Variants in TM9SF4 observed in about 807,000 individuals in gnomAD.
The protein encoded by TM9SF4 is transmembrane 9 superfamily member 4, also known as dinucleotide oxidase disulfide thiol exchanger 3 superfamily member 4.
TM9SF4 carries 26 observed loss-of-function variants against 90.4 expected under a neutral mutation model. The observed-to-expected ratio is 0.29, with a 90% CI of 0.21 to 0.40. The LOEUF (loss-of-function observed/expected upper bound fraction) is 0.40. Among genes scored for constraint, TM9SF4 ranks in the 10% least tolerant of loss-of-function variants. TM9SF4 has a pLI of 1.00. For missense variants in TM9SF4, 549 were observed against 834.8 expected (o/e 0.66, Z 4.22); for synonymous variants, 293 against 315.4 (o/e 0.93, Z 0.75).
At chr20:32,122,484 T>A (rs577946240) in intron 1 of TM9SF4, among the ~76,000 whole-genome samples, 1 of 139,326 alleles carries the variant, frequency 7.2e-6, no homozygotes, top group Admixed American at 7.1e-5. Context: ...TCCTCACTTC[T>A]CAGACGGGGC....
At chr20:32,125,216 A>G (rs568582386) in intron 1 of TM9SF4, among the ~76,000 whole-genome samples, 19 of 152,114 alleles carry the variant, frequency 1.2e-4, no homozygotes, top group Non-Finnish European at 2.6e-4. Context: ...AACCCAAAAC[A>G]AGTCCACCCC....
At chr20:32,125,371 A>C (rs2046404279) in intron 1 of TM9SF4, among the ~76,000 whole-genome samples, 1 of 152,172 alleles carries the variant, frequency 6.6e-6, no homozygotes, top group Non-Finnish European at 1.5e-5. Context: ...AATTTACCCA[A>C]AGTCACACAG....
chr20:32,154,989 G>C, intron 12 of TM9SF4, 114 bp from the exon 13 acceptor site: 1 of 774,474 alleles, frequency 1.3e-6, no homozygotes, highest in Non-Finnish European at 2.3e-6. Flanking sequence ...AATGATGCTT[G>C]AGCAGAGTCT....
intron 1 of TM9SF4, among the ~76,000 whole-genome samples, chr20:32,127,752 C>T (rs752905181): frequency 3.3e-5 from 5 of 152,152 alleles, no homozygotes; most frequent in Non-Finnish European, 5.9e-5. Context: ...CGCAGAGAGC[C>T]CTTGAGTTCC....
intron 1 of TM9SF4, among the ~76,000 whole-genome samples, chr20:32,119,694 A>C (rs553721870): frequency 7.9e-5 from 12 of 151,962 alleles, no homozygotes; most frequent in Non-Finnish European, 1.5e-4. Context: ...AATTTATTAT[A>C]ATTTTTTTAA....
chr20:32,143,043 A>T lies in TM9SF4; in HGVS notation c.590A>T (p.Asp197Val). 6.2e-7 allele frequency: 1 copy of T among 1,614,020 alleles called. No individual in the cohort carries two copies. Among genetic ancestry groups the T allele is most frequent in the Non-Finnish European group, 8.5e-7 (1 of 1,179,916 alleles). The change falls in exon 6 of 18, where the codon GAC becomes GTC. Residue 197 changes from aspartate to valine, a missense_variant. Around this residue, in one of 2 missense-constraint regions of TM9SF4, gnomAD observed 495 missense variants for 711.7 expected, o/e 0.70. Coordinates refer to ENST00000398022, the MANE Select transcript of TM9SF4 (RefSeq NM_014742.4). Reference protein sequence around the residue: ...LYYHREDMEEDQEHTYRVVRF... With the variant: ...LYYHREDMEEVQEHTYRVVRF... ...TATCATCGGGAGGACATGGAAGAGG[A>T]CCAGGAGCACACGTACCGTGTCGTC...
chr20:32,110,097 C>T (rs752956665), intron 1 of TM9SF4: 4 of 1,170,850 alleles, frequency 3.4e-6, no homozygotes, highest in Non-Finnish European at 3.2e-6. Flanking sequence ...AGACCCCCTC[C>T]CGTTATTCTC....
Position 32,141,613 on chromosome 20 carries a change from G to A in TM9SF4, c.346G>A (p.Glu116Lys), listed in dbSNP as rs147800118. The A allele has an allele frequency of 4.9e-5, 79 of 1,614,188 alleles. 1 individual carries two copies. In the African/African-American group the frequency reaches 9.3e-4, roughly 19 times the overall value. ...QSNKPVTLTV[E>K]QSRLVAERIT... is the part of the protein sequence containing the mutation. ...CAACAAGCCAGTGACCCTGACAGTG[G>A]AGCAGAGCCGACTCGTGGCCGAGCG... The change falls in exon 4 of 18, where the codon GAG (glutamate) becomes AAG (lysine). Residue 116 changes from glutamate to lysine, a missense_variant. Coordinates refer to ENST00000398022, the MANE Select transcript of TM9SF4 (RefSeq NM_014742.4).
intron 1 of TM9SF4, among the ~76,000 whole-genome samples, chr20:32,126,458 C>T (rs1001237271): frequency 5.3e-5 from 8 of 152,164 alleles, no homozygotes; most frequent in East Asian, 1.9e-4. Flanking sequence ...TTTTTCCTCT[C>T]GCCTCCCTTC....
chr20:32,114,295 C>G (rs1162946154), intron 1 of TM9SF4, among the ~76,000 whole-genome samples: 1 of 152,148 alleles, frequency 6.6e-6, no homozygotes, highest in East Asian at 1.9e-4. Flanking sequence ...AGTAGTCCCT[C>G]CAGCCCCAGT....
chr20:32,129,075 C>G (rs2046470910), intron 1 of TM9SF4, among the ~76,000 whole-genome samples: 1 of 151,760 alleles, frequency 6.6e-6, no homozygotes. Context: ...AGGAAAAAAG[C>G]TCATCACTAA....
chr20:32,123,863 TATA>T (rs1475666322), intron 1 of TM9SF4, among the ~76,000 whole-genome samples: 2 of 75,262 alleles, frequency 2.7e-5, no homozygotes, highest in African/African-American at 1.2e-4. Context: ...TATATATATA[TATA>T]TTTTTTTTTT....
intron 1 of TM9SF4, chr20:32,116,545 A>G (rs939699244): frequency 6.6e-6 from 1 of 152,146 alleles, no homozygotes; most frequent in Non-Finnish European, 1.5e-5. Flanking sequence ...CTACCCCCAA[A>G]TTACAGCTTT....
At chr20:32,124,500 C>G (rs1569056423) in intron 1 of TM9SF4, among the ~76,000 whole-genome samples, 1 of 152,172 alleles carries the variant, frequency 6.6e-6, no homozygotes, top group Non-Finnish European at 1.5e-5. Context: ...ACTTACTTCA[C>G]TTTGCAGATA....
chr20:32,143,586 G>A (rs75573911), intron 6 of TM9SF4, among the ~76,000 whole-genome samples: 1 of 152,174 alleles, frequency 6.6e-6, no homozygotes, highest in African/African-American at 2.4e-5. Flanking sequence ...AGGTGTGCGG[G>A]AGTTTGAGAG....
At chr20:32,147,252 A>G (rs981462959) in intron 9 of TM9SF4, among the ~76,000 whole-genome samples, 2 of 152,186 alleles carry the variant, frequency 1.3e-5, no homozygotes, top group Non-Finnish European at 2.9e-5. Context: ...TACTGGGATT[A>G]CAGGCATGAG....
chr20:32,156,770 C>T (rs573871879), intron 13 of TM9SF4, among the ~76,000 whole-genome samples: 1 of 151,160 alleles, frequency 6.6e-6, no homozygotes, highest in South Asian at 2.1e-4. Context: ...CCACACTCGG[C>T]AATTAAAAAA....
chr20:32,161,545 T>C (rs2047019312), intron 17 of TM9SF4, among the ~76,000 whole-genome samples, 180 bp downstream of exon 17: 2 of 152,336 alleles, frequency 1.3e-5, no homozygotes, highest in South Asian at 4.1e-4. Flanking sequence ...AGAAAGAATC[T>C]GTATTCTGTA....
chr20:32,163,584 T>C (rs1199275768), intron 17 of TM9SF4, among the ~76,000 whole-genome samples: 1 of 150,612 alleles, frequency 6.6e-6, no homozygotes, highest in African/African-American at 2.4e-5. Flanking sequence ...TCAGACAGAC[T>C]GGCTTAGGTC....
Sources: allele counts gnomAD v4.1 joint callset (sites outside exome capture counted in the v4.1 genomes callset), GRCh38; gene constraint gnomAD v4.1.1; regional missense constraint gnomAD v4.1.1; transcripts MANE v1.5; gene names NCBI Gene and HGNC (gene_info 2026-07-23, HGNC 2026-07-21).